The following SEMA6D variants were observed in gnomAD, a reference collection of about 807,000 sequenced individuals.
SEMA6D encodes the protein semaphorin 6D.
SEMA6D carries 35 observed loss-of-function variants against 106.6 expected under a neutral mutation model. The observed-to-expected ratio is 0.33, with a 90% CI of 0.25 to 0.44. The LOEUF (loss-of-function observed/expected upper bound fraction) is 0.44. SEMA6D is among the 20% of genes least tolerant of loss of function. SEMA6D has a pLI of 1.00. For synonymous variants in SEMA6D, 499 were observed against 487.7 expected (o/e 1.02, Z -0.31); for missense variants, 1,185 against 1,345.9 (o/e 0.88, Z 1.87).
chr15:47,187,002 G>GA (rs142698701), intron 1 of SEMA6D, among the ~76,000 whole-genome samples: 161 of 148,068 alleles, frequency 1.1e-3, no homozygotes, highest in Non-Finnish European at 1.7e-3. Context: ...TGTTCATAAA[G>GA]AAAAAAAAAA....
At chr15:47,525,796 G>T (rs2044735497) in intron 3 of SEMA6D, among the ~76,000 whole-genome samples, 1 of 152,190 alleles carries the variant, frequency 6.6e-6, no homozygotes, top group African/African-American at 2.4e-5. Context: ...AGGCAAGGGA[G>T]CCTTGCAGGG....
At chr15:47,695,830 T>C (rs1222254420) in intron 4 of SEMA6D, among the ~76,000 whole-genome samples, 3 of 152,176 alleles carry the variant, frequency 2.0e-5, no homozygotes, top group Non-Finnish European at 2.9e-5. Flanking sequence ...TAATGAGTTA[T>C]TGATTTGTGA....
At chr15:47,225,214 A>C (rs1458425616) in intron 1 of SEMA6D, among the ~76,000 whole-genome samples, 1 of 151,950 alleles carries the variant, frequency 6.6e-6, no homozygotes, top group Admixed American at 6.6e-5. Context: ...GAGTATGTTT[A>C]GTTTTGTCAG....
chr15:47,675,867 G>T (rs1396570447), intron 4 of SEMA6D, among the ~76,000 whole-genome samples: 1 of 149,370 alleles, frequency 6.7e-6, no homozygotes, highest in African/African-American at 2.5e-5. Flanking sequence ...CCTGTAGCTT[G>T]TATTGCTCTG....
rs115310963 is a variant in SEMA6D at position 47,586,687 on chromosome 15, A to G, written c.-86-14178A>G. ...TGAGTAAAGCGCCCCCCATACCCCA[A>G]CAGCTGGCTCATAGTAACAGTGATT... On this transcript the variant is annotated intron_variant, in intron 3 of 19. Coordinates refer to the SEMA6D transcript ENST00000558014. 3.2e-3 allele frequency among the ~76,000 whole-genome samples: 493 copies of G among 152,102 alleles called. 2 individuals carry two copies. The highest frequency in any genetic ancestry group is 0.011 in the African/African-American group (474 of 41,470).
chr15:47,286,229 C>G (rs1436841338), intron 1 of SEMA6D, among the ~76,000 whole-genome samples: 4 of 152,130 alleles, frequency 2.6e-5, no homozygotes, highest in Non-Finnish European at 2.9e-5. Context: ...GATTCTGAAG[C>G]CCCATTTCCC....
At chr15:47,492,997 G>A (rs560471797) in intron 3 of SEMA6D, among the ~76,000 whole-genome samples, 3 of 152,028 alleles carry the variant, frequency 2.0e-5, no homozygotes, top group Non-Finnish European at 2.9e-5. Flanking sequence ...AAAAAACTAA[G>A]AGCTTACTCC....
intron 1 of SEMA6D, among the ~76,000 whole-genome samples, chr15:47,407,093 G>A (rs1402834292): frequency 1.3e-5 from 2 of 152,032 alleles, no homozygotes; most frequent in Non-Finnish European, 2.9e-5. Flanking sequence ...CGGGCCGGGG[G>A]GTGGCTCATG....
intron 4 of SEMA6D, among the ~76,000 whole-genome samples, chr15:47,675,446 C>T (rs2078224600): frequency 6.6e-6 from 1 of 152,060 alleles, no homozygotes; most frequent in Non-Finnish European, 1.5e-5. Context: ...GTGAGGGGCA[C>T]AGCAGGAAAG....
intron 1 of SEMA6D, among the ~76,000 whole-genome samples, chr15:47,254,353 A>ATATATATAT (rs1555411061): frequency 6.8e-6 from 1 of 147,670 alleles, no homozygotes; most frequent in Non-Finnish European, 1.5e-5. Context: ...ATATATATAT[A>ATATATATAT]AATGATTGTG....
intron 3 of SEMA6D, among the ~76,000 whole-genome samples, chr15:47,524,051 C>T (rs1279034072): frequency 6.6e-6 from 1 of 152,124 alleles, no homozygotes; most frequent in Non-Finnish European, 1.5e-5. Flanking sequence ...AGGCGAGGGA[C>T]GTGGGATAGA....
At chr15:47,674,144 C>G (rs138046314) in intron 4 of SEMA6D, among the ~76,000 whole-genome samples, 227 of 152,292 alleles carry the variant, frequency 1.5e-3, no homozygotes, top group African/African-American at 5.2e-3. Flanking sequence ...CCCAGACCCC[C>G]TTGGGTCTGA....
chr15:47,384,814 GTTTTTTTTTTTTTTTTT>G (rs1168068495), intron 1 of SEMA6D, among the ~76,000 whole-genome samples: 92 of 65,704 alleles, frequency 1.4e-3, no homozygotes, highest in African/African-American at 3.8e-3. Context: ...GATTACTAAA[GTTTTTTTTTTTTTTTTT>G]TTTTTTTTTT....
intron 2 of SEMA6D, among the ~76,000 whole-genome samples, chr15:47,447,199 A>C (rs1237595222): frequency 6.6e-6 from 1 of 152,112 alleles, no homozygotes; most frequent in Admixed American, 6.6e-5. Context: ...CCTTTCTCAG[A>C]GAAACTGAGT....
intron 2 of SEMA6D, among the ~76,000 whole-genome samples, chr15:47,427,909 T>C (rs187390948): frequency 4.6e-5 from 7 of 152,254 alleles, no homozygotes; most frequent in Admixed American, 4.6e-4. Flanking sequence ...TCTCTTTCTC[T>C]GAGGAGCCTG....
chr15:47,381,725 A>T (rs1327818829), intron 1 of SEMA6D, among the ~76,000 whole-genome samples: 1 of 152,234 alleles, frequency 6.6e-6, no homozygotes, highest in Non-Finnish European at 1.5e-5. Context: ...TGTAAATTCA[A>T]GGTAACGTGA....
At chr15:47,589,711 A>G (rs1162538572) in intron 3 of SEMA6D, among the ~76,000 whole-genome samples, 1 of 152,218 alleles carries the variant, frequency 6.6e-6, no homozygotes, top group Admixed American at 6.5e-5. Flanking sequence ...TGGCTAAGGG[A>G]TCCCTCGAGA....
intron 1 of SEMA6D, among the ~76,000 whole-genome samples, chr15:47,412,028 A>G (rs1320743178): frequency 6.6e-6 from 1 of 152,152 alleles, no homozygotes; most frequent in Non-Finnish European, 1.5e-5. Flanking sequence ...CAGTCACGTA[A>G]GCACATACTT....
intron 2 of SEMA6D, among the ~76,000 whole-genome samples, chr15:47,465,316 A>G (rs1001722318): frequency 6.6e-6 from 1 of 152,152 alleles, no homozygotes; most frequent in African/African-American, 2.4e-5. Flanking sequence ...TTGGTTCTTA[A>G]TAATAAGCCC....
Sources: allele counts gnomAD v4.1 joint callset (sites outside exome capture counted in the v4.1 genomes callset), GRCh38; gene constraint gnomAD v4.1.1; transcripts MANE v1.5; gene names NCBI Gene and HGNC (gene_info 2026-07-23, HGNC 2026-07-21).